KYNU: variants seen among roughly 807,000 people sequenced by gnomAD.
The protein encoded by KYNU is kynureninase.
A neutral mutation model predicts 59.2 loss-of-function variants in KYNU; 54 were observed. That is an observed-to-expected ratio of 0.91 (90% confidence interval 0.73 to 1.14). The LOEUF is 1.14. Among genes scored for constraint, KYNU ranks in the 50% most tolerant of loss-of-function variants. The pLI is 0.00. For synonymous variants in KYNU, 177 were observed against 192.0 expected (o/e 0.92, Z 0.65); for missense variants, 567 against 554.4 (o/e 1.02, Z -0.23).
chr2:143,042,205 A>G lies in KYNU; in HGVS notation c.*33A>G. ...TTCTAGAACAACTTAAGCAAATTAT[A>G]CTGAAAGCTGCTGTGGTTATTTCAG... On this transcript the variant is annotated 3_prime_UTR_variant, in exon 14 of 14. Transcript: ENST00000264170. 1 of 1,598,454 alleles carries G rather than the reference A, an allele frequency of 6.3e-7. No homozygotes were observed. Among genetic ancestry groups the G allele is most frequent in the Non-Finnish European group, 8.5e-7 (1 of 1,171,504 alleles).
intron 3 of KYNU, among the ~76,000 whole-genome samples, chr2:142,926,924 G>GT (rs769627295): frequency 7.2e-5 from 11 of 152,192 alleles, no homozygotes; most frequent in Non-Finnish European, 1.3e-4. Flanking sequence ...ATACAACAAT[G>GT]TAACAGCACT....
At chr2:142,919,004 T>C (rs1682776703) in intron 3 of KYNU, among the ~76,000 whole-genome samples, 1 of 152,258 alleles carries the variant, frequency 6.6e-6, no homozygotes, top group South Asian at 2.1e-4. Flanking sequence ...TAACACAGTA[T>C]AAATGTCATG....
intron 8 of KYNU, among the ~76,000 whole-genome samples, chr2:142,962,562 A>T (rs1352859373): frequency 2.6e-5 from 4 of 152,218 alleles, no homozygotes; most frequent in Non-Finnish European, 5.9e-5. Context: ...CTCATACTTA[A>T]GTACTTTGAT....
rs182565809 is a variant in KYNU, at chr2:143,038,461, G to T, written c.1042-1967G>T. Among the ~76,000 whole-genome samples the T allele has an allele frequency of 4.0e-4, 61 of 152,218 alleles. No individual in the cohort carries two copies. The East Asian group carries it at 0.011, about 28-fold the overall frequency. The stretch of plus-strand genomic sequence containing the variant: ...GTCTACCTACATTTGCTTTGCCCAA[G>T]AAAATGAAGGAGATGCCTCCTACCA... On this transcript the variant is annotated intron_variant, in intron 12 of 13. Coordinates refer to ENST00000264170, the MANE Select transcript of KYNU (RefSeq NM_003937.3).
At chr2:142,885,307 A>G in intron 1 of KYNU, 42 bp from the exon 2 acceptor site, 1 of 1,551,258 alleles carries the variant, frequency 6.4e-7, no homozygotes. Flanking sequence ...TTTCTACAGG[A>G]AAATTATGGT....
chr2:142,970,300 C>A (rs1468544902), intron 8 of KYNU, among the ~76,000 whole-genome samples: 1 of 152,086 alleles, frequency 6.6e-6, no homozygotes, highest in Non-Finnish European at 1.5e-5. Context: ...GTCTATAAAA[C>A]CTGGCATCAA....
intron 4 of KYNU, among the ~76,000 whole-genome samples, chr2:142,953,083 C>G (rs1684043395): frequency 6.6e-6 from 1 of 152,128 alleles, no homozygotes; most frequent in African/African-American, 2.4e-5. Context: ...ACCTATCCCC[C>G]AAACCGGAGG....
chr2:142,971,514 C>A (rs1162198053), intron 8 of KYNU: 1 of 152,196 alleles, frequency 6.6e-6, no homozygotes, highest in Non-Finnish European at 1.5e-5. Context: ...TACTTCCACA[C>A]CATGATGAAA....
intron 10 of KYNU, among the ~76,000 whole-genome samples, chr2:143,026,438 G>A (rs1171983189): frequency 6.6e-6 from 1 of 152,202 alleles, no homozygotes; most frequent in Non-Finnish European, 1.5e-5. Context: ...AGCCCCGCTC[G>A]CTGCTCTCAG....
intron 10 of KYNU, among the ~76,000 whole-genome samples, chr2:142,997,881 A>G (rs1685588391): frequency 6.6e-6 from 1 of 152,150 alleles, no homozygotes; most frequent in South Asian, 2.1e-4. Flanking sequence ...TGGATATTTC[A>G]TTTCATAACT....
At position 143,043,909 on chromosome 2, in the gene KYNU, A is replaced by C. The variant is rs1471851081; in HGVS notation, c.*1737A>C. The C allele has an allele frequency of 6.6e-6, 1 of 151,186 alleles. No homozygotes were observed. The highest frequency in any genetic ancestry group is 1.5e-5 in the Non-Finnish European group (1 of 67,840). The allele number at this position is 151,186 out of a possible 1,614,324, so 9.4% of individuals were successfully genotyped here. A position where few individuals can be genotyped will look rare whatever the true frequency, so the allele number is the denominator to read the frequency against. On this transcript the variant is annotated 3_prime_UTR_variant, in exon 14 of 14. Transcript: ENST00000264170. The stretch of plus-strand genomic sequence containing the variant: ...ATGCAGGTTTGTTACATAGGTATAC[A>C]TGTGCCGTGGTGGATTGCTGCACCC...
At chr2:143,035,634 A>G (rs1354252592) in intron 12 of KYNU, among the ~76,000 whole-genome samples, 1 of 152,152 alleles carries the variant, frequency 6.6e-6, no homozygotes, top group Non-Finnish European at 1.5e-5. Context: ...TCTGTTGTTC[A>G]GACTGGAATG....
At chr2:142,939,568 C>T (rs1195080570) in intron 4 of KYNU, among the ~76,000 whole-genome samples, 24 of 131,644 alleles carry the variant, frequency 1.8e-4, no homozygotes, top group Non-Finnish European at 3.2e-4. Context: ...TGCCACTGCA[C>T]TCCAGCCTGG....
chr2:142,885,702 T>C (rs1480334047), intron 2 of KYNU, among the ~76,000 whole-genome samples, 166 bp downstream of exon 2: 1 of 152,244 alleles, frequency 6.6e-6, no homozygotes, highest in African/African-American at 2.4e-5. Context: ...CCTGTCAGCC[T>C]ACCTTAGCCT....
At chr2:142,910,131 C>T (rs1230379345) in intron 2 of KYNU, among the ~76,000 whole-genome samples, 7 of 105,468 alleles carry the variant, frequency 6.6e-5, no homozygotes, top group Admixed American at 1.3e-4. Context: ...TGTTCTTTGC[C>T]TTTTTTTTTT....
rs1378911462 is a variant in KYNU, at chr2:143,033,197, G to A, written c.956-39G>A. On this transcript the variant is annotated intron_variant, in intron 11 of 13. Coordinates refer to ENST00000264170, the MANE Select transcript of KYNU (RefSeq NM_003937.3). ...TAGTATCTTTATGGACACTTTTAAA[G>A]TTACCTTCTATGATAATGACATGAT... 4 of 1,408,442 alleles carry A rather than the reference G, an allele frequency of 2.8e-6. No homozygotes were observed. The South Asian group carries it at 3.5e-5, about 12-fold the overall frequency. The allele number at this position is 1,408,442 out of a possible 1,614,324, so 87.2% of individuals were successfully genotyped here. A position where few individuals can be genotyped will look rare whatever the true frequency, so the allele number is the denominator to read the frequency against.
Position 143,006,998 on chromosome 2 carries a change from G to A in KYNU, c.902+20977G>A, listed in dbSNP as rs532233778. Among the ~76,000 whole-genome samples the A allele has an allele frequency of 5.2e-3, 792 of 152,226 alleles. 4 individuals carry two copies. Among genetic ancestry groups the A allele is most frequent in the Middle Eastern group, 0.027 (8 of 294 alleles). Reference sequence around the variant, plus strand: ...AACTGGAAACTCTAAAACGCAGAGCGTCTCTCCTCCTCCAAAGGAACGCAG... The same window carrying A: ...AACTGGAAACTCTAAAACGCAGAGCATCTCTCCTCCTCCAAAGGAACGCAG... On this transcript the variant is annotated intron_variant, in intron 10 of 13. Coordinates refer to ENST00000264170, the MANE Select transcript of KYNU (RefSeq NM_003937.3).
At chr2:142,976,287 T>G (rs965461910) in intron 8 of KYNU, among the ~76,000 whole-genome samples, 2 of 152,190 alleles carry the variant, frequency 1.3e-5, no homozygotes, top group African/African-American at 4.8e-5. Context: ...TATTCATTAT[T>G]CTTCCCCACC....
rs547151875 is a variant in KYNU, at chr2:143,027,428, T to G, written c.903-2199T>G. On this transcript the variant is annotated intron_variant, in intron 10 of 13. Coordinates refer to ENST00000264170, the MANE Select transcript of KYNU (RefSeq NM_003937.3). ...ATATGGTCTCATCTTTACATTATAGTGTGAAACATTAGTGAGATTGAGGTG... is the reference window on the plus strand; with the variant it reads ...ATATGGTCTCATCTTTACATTATAGGGTGAAACATTAGTGAGATTGAGGTG... 2.6e-5 allele frequency among the ~76,000 whole-genome samples: 4 copies of G among 152,318 alleles called. No individual in the cohort carries two copies. In the East Asian group the frequency reaches 7.7e-4, roughly 29 times the overall value.
Sources: allele counts gnomAD v4.1 joint callset (sites outside exome capture counted in the v4.1 genomes callset), GRCh38; gene constraint gnomAD v4.1.1; transcripts MANE v1.5; gene names NCBI Gene and HGNC (gene_info 2026-07-23, HGNC 2026-07-21).